Variants in HIVEP3 observed in about 807,000 individuals in gnomAD.
HIVEP3 encodes transcription factor HIVEP3.
HIVEP3 carries 49 observed loss-of-function variants against 152.8 expected under a neutral mutation model. That is an observed-to-expected ratio of 0.32 (90% CI 0.26 to 0.41). HIVEP3 has a LOEUF of 0.41. Among genes scored for constraint, HIVEP3 ranks in the 10% least tolerant of loss-of-function variants. The pLI is 1.00. For missense variants in HIVEP3, 2,790 were observed against 3,103.3 expected, an observed-to-expected ratio of 0.90 and a Z score of 2.40; for synonymous variants, 1,269 against 1,289.0, an observed-to-expected ratio of 0.98 and a Z score of 0.33.
chr1:41,618,295 C>T (rs1257907343), intron 3 of HIVEP3, among the ~76,000 whole-genome samples: 1 of 152,232 alleles, frequency 6.6e-6, no homozygotes, highest in Non-Finnish European at 1.5e-5. Flanking sequence ...AATGCCGGGC[C>T]AGGAGGTTAA....
chr1:41,531,825 GGGAGATGGAGGACAGGA>G (rs1643264622), intron 5 of HIVEP3, among the ~76,000 whole-genome samples: 1 of 60,060 alleles, frequency 1.7e-5, no homozygotes, highest in Non-Finnish European at 3.4e-5. Flanking sequence ...TGGAGGACAG[GGGAGATGGAGGACAGGA>G]GAGATGGAAG....
chr1:41,797,651 T>C (rs7525290), intron 1 of HIVEP3, among the ~76,000 whole-genome samples: 5,831 of 152,224 alleles, frequency 0.038, 364 homozygotes, highest in African/African-American at 0.13. Flanking sequence ...CAAAGGGAAC[T>C]GAGGGCTTCT....
intron 1 of HIVEP3, among the ~76,000 whole-genome samples, chr1:41,817,762 C>T (rs1280869603): frequency 6.6e-6 from 1 of 152,240 alleles, no homozygotes; most frequent in Non-Finnish European, 1.5e-5. Context: ...TAGGCATCAA[C>T]ATGGCTTCTG....
At position 41,511,589 on chromosome 1, in the gene HIVEP3, G is replaced by C. The variant is rs1644456603; in HGVS notation, c.6406-323C>G. Among the ~76,000 whole-genome samples, 1 of 152,150 alleles carries C rather than the reference G, an allele frequency of 6.6e-6. No individual in the cohort carries two copies. Among genetic ancestry groups the C allele is most frequent in the South Asian group, 2.1e-4 (1 of 4,828 alleles). ...GGGCCCTGTTGTCACCCATGAGCCT[G>C]GCCTCTATGTGGGTCTGCTGCCTGT... On this transcript the variant is annotated intron_variant, in intron 8 of 8. Coordinates refer to ENST00000372583, the MANE Select transcript of HIVEP3 (RefSeq NM_024503.5). The surrounding 1 kb of genome is among the most constrained non-coding windows in gnomAD (Gnocchi z 4.9).
chr1:41,678,874 C>T (rs1645996992), intron 2 of HIVEP3, among the ~76,000 whole-genome samples: 1 of 152,228 alleles, frequency 6.6e-6, no homozygotes, highest in African/African-American at 2.4e-5. Flanking sequence ...CAAGCCAGCT[C>T]ATCTTAGACT....
chr1:41,794,279 T>C (rs1433399019), intron 1 of HIVEP3, among the ~76,000 whole-genome samples: 3 of 152,114 alleles, frequency 2.0e-5, no homozygotes, highest in Non-Finnish European at 4.4e-5. Flanking sequence ...TTATTCACTA[T>C]CACAATGACA....
rs1644488171 is a variant in HIVEP3 at position 41,585,337 on chromosome 1, C to T, written c.-521-19G>A. On this transcript the variant is annotated intron_variant, in intron 3 of 8. Transcript: ENST00000372583. Reference sequence around the variant, plus strand: ...TCTTCTTCTGTGTGATAGATGTACACACACACAGAAATACACACACACAAA... The same window carrying T: ...TCTTCTTCTGTGTGATAGATGTACATACACACAGAAATACACACACACAAA... 2.5e-6 allele frequency: 1 copy of T among 398,996 alleles called. No individual in the cohort carries two copies. The highest frequency in any genetic ancestry group is 4.4e-6 in the Non-Finnish European group (1 of 226,112). The allele number at this position is 398,996 out of a possible 1,614,324, so 24.7% of individuals were successfully genotyped here. A position where few individuals can be genotyped will look rare whatever the true frequency, so the allele number is the denominator to read the frequency against.
intron 1 of HIVEP3, among the ~76,000 whole-genome samples, chr1:41,741,527 T>A (rs1646996406): frequency 6.6e-6 from 1 of 151,880 alleles, no homozygotes; most frequent in African/African-American, 2.4e-5. Flanking sequence ...CAAACCCAGG[T>A]TCCTTCCTCT....
intron 2 of HIVEP3, among the ~76,000 whole-genome samples, chr1:41,650,670 T>C (rs1323572842): frequency 6.6e-6 from 1 of 152,034 alleles, no homozygotes; most frequent in East Asian, 1.9e-4. Flanking sequence ...CATAGTTCAC[T>C]GGGCTTGTTC....
chr1:41,893,981 C>CATGATCTCAG (rs1644491124), intron 1 of HIVEP3, among the ~76,000 whole-genome samples: 3 of 150,934 alleles, frequency 2.0e-5, no homozygotes, highest in Admixed American at 1.3e-4. Flanking sequence ...AGTGCAGTGG[C>CATGATCTCAG]ATGATCTCAG....
chr1:41,771,139 G>A (rs1259038882), intron 1 of HIVEP3, among the ~76,000 whole-genome samples: 1 of 152,142 alleles, frequency 6.6e-6, no homozygotes, highest in Non-Finnish European at 1.5e-5. Flanking sequence ...TGGGAGTGGA[G>A]CAATGATGAA....
intron 1 of HIVEP3, among the ~76,000 whole-genome samples, chr1:41,895,767 G>A (rs984150120): frequency 1.3e-5 from 2 of 152,078 alleles, no homozygotes; most frequent in Non-Finnish European, 2.9e-5. Flanking sequence ...ACATCCCCCA[G>A]GAACACATCA....
At position 41,769,126 on chromosome 1, in the gene HIVEP3, G is replaced by C. The variant is rs557188057; in HGVS notation, c.-800-68131C>G. 2.6e-5 allele frequency among the ~76,000 whole-genome samples: 4 copies of C among 152,304 alleles called. No homozygotes were observed. In the South Asian group the frequency reaches 6.2e-4, roughly 24 times the overall value. ...ACACACCAAATGGTTCCCTTTTGTA[G>C]CAAGAATCATTTCATTTGCTCCTTG... On this transcript the variant is annotated intron_variant, in intron 1 of 8. Transcript: ENST00000372583.
chr1:41,513,709 C>A lies in HIVEP3; in HGVS notation c.5512G>T (p.Gly1838Cys), dbSNP rs773517049. The change falls in exon 8 of 9, where the codon GGT becomes TGT. Residue 1838 changes from glycine to cysteine, a missense_variant. By Grantham distance (159) the Gly-to-Cys change is radical (BLOSUM62 -3). Transcript: ENST00000372583. ...TGGTGCTCCTCCACAGCCTCTGAAC[C>A]CTCTCGTCCTTCCGAGTCCTGGAAC... is the stretch of plus-strand genomic sequence containing the variant. Reference protein sequence around the residue: ...DLFQDSEGREGSEAVEEHQFS... With the variant: ...DLFQDSEGRECSEAVEEHQFS... 5.0e-6 allele frequency: 8 copies of A among 1,597,950 alleles called. No homozygotes were observed. Among genetic ancestry groups the A allele is most frequent in the Non-Finnish European group, 6.8e-6 (8 of 1,173,114 alleles).
intron 1 of HIVEP3, among the ~76,000 whole-genome samples, chr1:41,999,230 C>T (rs1645413351): frequency 6.6e-6 from 1 of 151,776 alleles, no homozygotes; most frequent in South Asian, 2.1e-4. Context: ...CAACGCATGC[C>T]CCGTACAGAA....
rs79868266 is a variant in HIVEP3 at position 41,728,789 on chromosome 1, C to A, written c.-800-27794G>T. On this transcript the variant is annotated intron_variant, in intron 1 of 8. Coordinates refer to ENST00000372583, the MANE Select transcript of HIVEP3 (RefSeq NM_024503.5). ...AAGGGGTGGGCATGGTTCTTGTGAA[C>A]TGCTGTGGCCTGGGACTGGGCTTAG... Among the ~76,000 whole-genome samples the A allele has an allele frequency of 4.2e-3, 637 of 152,336 alleles. 3 individuals are homozygous for A. The highest frequency in any genetic ancestry group is 0.012 in the African/African-American group (485 of 41,576).
chr1:41,791,756 T>C (rs970330073), intron 1 of HIVEP3, among the ~76,000 whole-genome samples: 2 of 152,158 alleles, frequency 1.3e-5, no homozygotes, highest in Non-Finnish European at 2.9e-5. Context: ...TCCTAGCCAA[T>C]ATAACAGACA....
At chr1:41,516,227 G>C (rs1642601966) in intron 7 of HIVEP3, among the ~76,000 whole-genome samples, 2 of 152,268 alleles carry the variant, frequency 1.3e-5, no homozygotes, top group African/African-American at 4.8e-5. Context: ...CCACAAATGA[G>C]AGAGCTTGAG....
intron 1 of HIVEP3, among the ~76,000 whole-genome samples, chr1:41,851,119 C>G (rs1643584870): frequency 6.6e-6 from 1 of 152,034 alleles, no homozygotes; most frequent in African/African-American, 2.4e-5. Context: ...CTCATTACCC[C>G]CTGAAAGTAG....
Sources: gnomAD v4.1 joint callset for allele counts (sites outside exome capture counted in the v4.1 genomes callset) on GRCh38, gnomAD v4.1.1 for gene constraint, Gnocchi (gnomAD v3.1) non-coding constraint, MANE v1.5 for transcripts, NCBI Gene and HGNC (gene_info 2026-07-23, HGNC 2026-07-21) for gene names.